Variants in ZNF486 observed in about 807,000 individuals in gnomAD.
ZNF486 encodes the protein zinc finger protein 486, also known as KRAB box only protein 2.
A neutral mutation model predicts 12.8 loss-of-function variants in ZNF486; 12 were observed. The observed-to-expected ratio is 0.94, with a 90% CI of 0.60 to 1.52. ZNF486 has a LOEUF of 1.52. ZNF486 is among the 40% of genes most tolerant of loss of function. The pLI is 0.00. For missense variants in ZNF486, 738 were observed against 545.0 expected, an observed-to-expected ratio of 1.35 and a Z score of -3.53; for synonymous variants, 231 against 184.9, an observed-to-expected ratio of 1.25 and a Z score of -2.02.
At chr19:20,179,823 A>C (rs1555715291) in intron 1 of ZNF486, among the ~76,000 whole-genome samples, 1 of 152,242 alleles carries the variant, frequency 6.6e-6, no homozygotes, top group Non-Finnish European at 1.5e-5. Context: ...GAGGAAATAG[A>C]ATCTGATGGC....
chr19:20,177,857 C>G (rs1022981692), intron 1 of ZNF486, among the ~76,000 whole-genome samples: 2 of 145,276 alleles, frequency 1.4e-5, no homozygotes, highest in Non-Finnish European at 3.1e-5. Flanking sequence ...ATTACAGGCA[C>G]GAGCCACCAC....
intron 1 of ZNF486, among the ~76,000 whole-genome samples, chr19:20,172,665 T>A (rs1555714060): frequency 2.1e-5 from 3 of 143,044 alleles, no homozygotes; most frequent in African/African-American, 5.6e-5. Flanking sequence ...TTTTTTTTTT[T>A]GTGAGATGGA....
intron 3 of ZNF486, among the ~76,000 whole-genome samples, chr19:20,192,617 T>G (rs1174639235): frequency 3.3e-5 from 5 of 152,188 alleles, no homozygotes; most frequent in African/African-American, 1.2e-4. Flanking sequence ...CTCATTTAAC[T>G]TTGAGATAGG....
chr19:20,192,101 A>G (rs2089908734), intron 3 of ZNF486, among the ~76,000 whole-genome samples: 1 of 152,174 alleles, frequency 6.6e-6, no homozygotes, highest in Non-Finnish European at 1.5e-5. Context: ...TAATGGTAGT[A>G]TTTGACCTAT....
chr19:20,197,413 G>C lies in ZNF486; in HGVS notation c.703G>C (p.Glu235Gln). ...TACACATAAGATAACTCATACTAGA[G>C]AGAAACCCTACAAATGTGAAGAATG... Reference protein sequence around the residue: ...LTTHKITHTREKPYKCEECGK... With the variant: ...LTTHKITHTRQKPYKCEECGK... The change falls in exon 4 of 4, where the codon GAG becomes CAG. Residue 235 changes from glutamate to glutamine, a missense_variant. Physicochemically the swap from Glu to Gln is conservative, Grantham distance 29 (BLOSUM62 2). Coordinates refer to ENST00000335117, the MANE Select transcript of ZNF486 (RefSeq NM_052852.4). 6.2e-7 allele frequency: 1 copy of C among 1,613,664 alleles called. No individual in the cohort carries two copies. Among genetic ancestry groups the C allele is most frequent in the East Asian group, 2.2e-5 (1 of 44,852 alleles).
At chr19:20,185,802 C>CAA (rs58776855) in intron 2 of ZNF486, among the ~76,000 whole-genome samples, 185 bp from the exon 3 acceptor site, 132 of 116,932 alleles carry the variant, frequency 1.1e-3, no homozygotes, top group African/African-American at 3.4e-3. Flanking sequence ...ACTCCATCTC[C>CAA]AAAAAAAAAA....
rs930740981 is a variant in ZNF486 at position 20,182,089 on chromosome 19, G to T, written c.31-2267G>T. On this transcript the variant is annotated intron_variant, in intron 1 of 3. Coordinates refer to ENST00000335117, the MANE Select transcript of ZNF486 (RefSeq NM_052852.4). Reference sequence around the variant, plus strand: ...CCAGCGAAGCATATAAAACTTTAGGGTGGAGATGCGTTGTCCCTATTTGTA... The same window carrying T: ...CCAGCGAAGCATATAAAACTTTAGGTTGGAGATGCGTTGTCCCTATTTGTA... 1.4e-4 allele frequency among the ~76,000 whole-genome samples: 21 copies of T among 152,300 alleles called. No homozygotes were observed. In the East Asian group the frequency reaches 3.9e-3, roughly 28 times the overall value.
In ZNF486 at chr19:20,197,013, A is replaced by C. The variant is rs559002129; in HGVS notation, c.303A>C (p.Lys101Asn). The part of the protein sequence containing the change: ...AQDLWPEQSI[K>N]DSYQKVILRK... Reference sequence around the variant, plus strand: ...ACCTTTGGCCAGAGCAGAGCATAAAAGATTCTTACCAAAAAGTGATACTGA... The same window carrying C: ...ACCTTTGGCCAGAGCAGAGCATAAACGATTCTTACCAAAAAGTGATACTGA... The change falls in exon 4 of 4, where the codon AAA (lysine) becomes AAC (asparagine). Residue 101 changes from lysine (K) to asparagine (N), a missense_variant. Lys to Asn is a moderately conservative substitution (Grantham distance 94, BLOSUM62 0). Transcript: ENST00000335117. 6.2e-7 allele frequency: 1 copy of C among 1,603,126 alleles called. No homozygotes were observed. Among genetic ancestry groups the C allele is most frequent in the South Asian group, 1.1e-5 (1 of 88,540 alleles).
At chr19:20,177,888 T>C (rs2089739360) in intron 1 of ZNF486, among the ~76,000 whole-genome samples, 1 of 149,136 alleles carries the variant, frequency 6.7e-6, no homozygotes, top group Admixed American at 6.7e-5. Context: ...AACGTTTTCT[T>C]TCTGTTCTAT....
Position 20,199,243 on chromosome 19 carries a change from G to C in ZNF486, c.*1141G>C, listed in dbSNP as rs1217828055. On this transcript the variant is annotated 3_prime_UTR_variant, in exon 4 of 4. Transcript: ENST00000335117. ...AAATATAAGCCTTTAAGGTGAAGAA[G>C]AGTATTGATTCTGAAGACAAGCATT... 1 of 152,204 alleles carries C rather than the reference G, an allele frequency of 6.6e-6. No homozygotes were observed. Among genetic ancestry groups the C allele is most frequent in the East Asian group, 1.9e-4 (1 of 5,198 alleles). 9.4% of individuals were successfully genotyped at this position (152,204 alleles called of 1,614,324 possible). A position where few individuals can be genotyped will look rare whatever the true frequency, so the allele number is the denominator to read the frequency against.
intron 1 of ZNF486, among the ~76,000 whole-genome samples, chr19:20,180,814 G>A (rs368638995): frequency 2.6e-5 from 4 of 152,278 alleles, no homozygotes; most frequent in East Asian, 3.9e-4. Context: ...GTAAGGCAGT[G>A]CACCCAGCTG....
chr19:20,187,423 A>G (rs2089860139), intron 3 of ZNF486, among the ~76,000 whole-genome samples: 1 of 151,948 alleles, frequency 6.6e-6, no homozygotes, highest in South Asian at 2.1e-4. Context: ...GTGCTACATT[A>G]AAATAGAAGC....
At chr19:20,181,358 T>A (rs143185111) in intron 1 of ZNF486, among the ~76,000 whole-genome samples, 2,162 of 152,108 alleles carry the variant, frequency 0.014, 25 homozygotes, top group Non-Finnish European at 0.021. Flanking sequence ...GCTAACACGG[T>A]GAAACCCCAC....
At position 20,197,337 on chromosome 19, in the gene ZNF486, A is replaced by C. The variant is rs1409336805; in HGVS notation, c.627A>C (p.Pro209=). The C allele has an allele frequency of 1.2e-6, 2 of 1,613,194 alleles. No individual in the cohort carries two copies. The highest frequency in any genetic ancestry group is 1.1e-5 in the South Asian group (1 of 90,926). Residue 209 remains proline, a synonymous_variant, in exon 4 of 4, where the codon CCA becomes CCC. Transcript: ENST00000335117. Reference sequence around the variant, plus strand: ...AAAAAATTGATACTGGAGAGAAACCATACAAATGTGAAGAATGTGGCAAAG... The same window carrying C: ...AAAAAATTGATACTGGAGAGAAACCCTACAAATGTGAAGAATGTGGCAAAG... ...THKKIDTGEK[P]YKCEECGKAF...
At chr19:20,186,207 C>G in intron 3 of ZNF486, 125 bp downstream of exon 3, 1 of 523,862 alleles carries the variant, frequency 1.9e-6, no homozygotes, top group Non-Finnish European at 3.1e-6. Flanking sequence ...TCCTGGGCAG[C>G]TGTTTTATTT....
At chr19:20,175,301 C>T (rs944527739) in intron 1 of ZNF486, 2 of 145,092 alleles carry the variant, frequency 1.4e-5, no homozygotes, top group African/African-American at 2.6e-5. Flanking sequence ...CTCTCCAGTG[C>T]TTTGGGTGTC....
At chr19:20,170,182 C>T (rs1269057876) in intron 1 of ZNF486, among the ~76,000 whole-genome samples, 1 of 147,632 alleles carries the variant, frequency 6.8e-6, no homozygotes, top group Non-Finnish European at 1.5e-5. Flanking sequence ...CAGGCGTGAG[C>T]CACCGCGCCC....
chr19:20,188,703 T>C (rs913954596), intron 3 of ZNF486: 7 of 369,164 alleles, frequency 1.9e-5, no homozygotes, highest in Admixed American at 9.2e-5. Flanking sequence ...CTCATTGTTA[T>C]GTAAAATACT....
intron 1 of ZNF486, among the ~76,000 whole-genome samples, chr19:20,169,521 G>A (rs2089623807): frequency 6.6e-6 from 1 of 152,198 alleles, no homozygotes; most frequent in Non-Finnish European, 1.5e-5. Context: ...AGAAGCTACG[G>A]AGCCCTGGAA....
Sources: allele counts gnomAD v4.1 joint callset (sites outside exome capture counted in the v4.1 genomes callset), GRCh38; gene constraint gnomAD v4.1.1; transcripts MANE v1.5; gene names NCBI Gene and HGNC (gene_info 2026-07-23, HGNC 2026-07-21).